Variants in AHCYL2 observed in about 807,000 individuals in gnomAD.
AHCYL2 encodes the protein S-adenosylhomocysteine hydrolase-like protein 2.
A neutral mutation model predicts 81.4 loss-of-function variants in AHCYL2; 28 were observed. The observed-to-expected ratio is 0.34, with a 90% CI of 0.25 to 0.47. The LOEUF (loss-of-function observed/expected upper bound fraction) is 0.47, where lower values mean the gene tolerates loss of function less well. Among genes scored for constraint, AHCYL2 ranks in the 20% least tolerant of loss-of-function variants. The probability of loss-of-function intolerance (pLI) is 1.00; values close to 1 mark genes in which losing one functional copy is unlikely to be tolerated. For synonymous variants in AHCYL2, 272 were observed against 290.2 expected, an observed-to-expected ratio of 0.94 and a Z score of 0.64; for missense variants, 551 against 785.1, an observed-to-expected ratio of 0.70 and a Z score of 3.56.
intron 1 of AHCYL2, among the ~76,000 whole-genome samples, chr7:129,371,165 T>C (rs1338953179): frequency 6.6e-6 from 1 of 152,216 alleles, no homozygotes; most frequent in Non-Finnish European, 1.5e-5. Context: ...TTAACGAGTG[T>C]CTTACTCATG....
intron 1 of AHCYL2, among the ~76,000 whole-genome samples, chr7:129,306,613 G>T (rs144483911): frequency 2.0e-5 from 3 of 152,132 alleles, no homozygotes; most frequent in East Asian, 3.9e-4. Flanking sequence ...TGTTTGTTTG[G>T]TCAGATCATG....
intron 1 of AHCYL2, among the ~76,000 whole-genome samples, chr7:129,306,949 C>T (rs551789773): frequency 2.0e-5 from 3 of 152,248 alleles, no homozygotes; most frequent in Admixed American, 2.0e-4. Flanking sequence ...TCCAAACAAA[C>T]GGAGTCTCTC....
At chr7:129,245,226 T>C (rs915248785) in intron 1 of AHCYL2, among the ~76,000 whole-genome samples, 4 of 152,086 alleles carry the variant, frequency 2.6e-5, no homozygotes, top group Non-Finnish European at 5.9e-5. Context: ...GGTTTCACCA[T>C]GTTGGTCAGG....
At chr7:129,252,674 G>A (rs538065339) in intron 1 of AHCYL2, among the ~76,000 whole-genome samples, 1 of 152,322 alleles carries the variant, frequency 6.6e-6, no homozygotes, top group South Asian at 2.1e-4. Flanking sequence ...AGTTGAGGTG[G>A]GAGGATCACT....
chr7:129,291,309 A>G (rs1796851625), intron 1 of AHCYL2, among the ~76,000 whole-genome samples: 3 of 152,316 alleles, frequency 2.0e-5, no homozygotes, highest in African/African-American at 7.2e-5. Context: ...TGGATTATAC[A>G]TATCATTTAT....
chr7:129,308,252 T>C (rs920165289), intron 1 of AHCYL2, among the ~76,000 whole-genome samples: 29 of 152,272 alleles, frequency 1.9e-4, no homozygotes, highest in African/African-American at 6.7e-4. Context: ...GCAGGCCTTA[T>C]GGAAGTTACA....
chr7:129,396,494 T>A (rs1795749165), intron 4 of AHCYL2, among the ~76,000 whole-genome samples: 1 of 151,858 alleles, frequency 6.6e-6, no homozygotes, highest in Non-Finnish European at 1.5e-5. Context: ...CAATCTCAGC[T>A]CACTGCAATC....
intron 12 of AHCYL2, among the ~76,000 whole-genome samples, chr7:129,421,340 TA>T (rs1189037765): frequency 6.6e-6 from 1 of 152,170 alleles, no homozygotes; most frequent in Non-Finnish European, 1.5e-5. Context: ...AGTACCTTTT[TA>T]AAAAAGAGTT....
rs1796331904 is a variant in AHCYL2 at position 129,406,889 on chromosome 7, G to A, written c.1295+423G>A. ...AAACATTAGACCAATCCCAGTTAAG[G>A]GTAAAATCTACTAACTCTGAGTGAA... is the stretch of plus-strand genomic sequence containing the variant. On this transcript the variant is annotated intron_variant, in intron 10 of 16. Coordinates refer to ENST00000325006, the MANE Select transcript of AHCYL2 (RefSeq NM_015328.4). This position sits in a 1 kb window ranked among gnomAD's most constrained non-coding sequence, Gnocchi z 4.3. Among the ~76,000 whole-genome samples the A allele has an allele frequency of 6.6e-6, 1 of 151,928 alleles. No homozygotes were observed. Among genetic ancestry groups the A allele is most frequent in the Non-Finnish European group, 1.5e-5 (1 of 67,982 alleles).
intron 7 of AHCYL2, among the ~76,000 whole-genome samples, chr7:129,403,860 C>CAAAACAAAAAAAAAAAAAAAAAAAA (rs1796157237): frequency 1.2e-5 from 1 of 80,200 alleles, no homozygotes; most frequent in Non-Finnish European, 2.7e-5. Context: ...GACTCCATCT[C>CAAAACAAAAAAAAAAAAAAAAAAAA]AAAAAAAAAA....
At chr7:129,293,919 C>G (rs1796962229) in intron 1 of AHCYL2, among the ~76,000 whole-genome samples, 1 of 152,100 alleles carries the variant, frequency 6.6e-6, no homozygotes, top group Non-Finnish European at 1.5e-5. Flanking sequence ...ATTGTTAATT[C>G]ACTTTTAGGA....
rs959209978 is a variant in AHCYL2, at chr7:129,419,348, G to A, written c.1462-3492G>A. 2.6e-5 allele frequency among the ~76,000 whole-genome samples: 4 copies of A among 152,158 alleles called. No homozygotes were observed. Among genetic ancestry groups the A allele is most frequent in the African/African-American group, 9.7e-5 (4 of 41,434 alleles). On this transcript the variant is annotated intron_variant, in intron 12 of 16. Coordinates refer to ENST00000325006, the MANE Select transcript of AHCYL2 (RefSeq NM_015328.4). This position sits in a 1 kb window ranked among gnomAD's most constrained non-coding sequence, Gnocchi z 4.7. Reference sequence around the variant, plus strand: ...AGGCAGGCGGATCATGAGGTCAGGAGTTCAAGACCAGCCTGACCAACATGG... The same window carrying A: ...AGGCAGGCGGATCATGAGGTCAGGAATTCAAGACCAGCCTGACCAACATGG...
chr7:129,247,609 T>TG (rs1368116305), intron 1 of AHCYL2, among the ~76,000 whole-genome samples: 2 of 151,154 alleles, frequency 1.3e-5, no homozygotes, highest in Non-Finnish European at 3.0e-5. Context: ...TGTACTTTTT[T>TG]TTTCCCCCCA....
At chr7:129,263,997 C>T (rs1226645988) in intron 1 of AHCYL2, among the ~76,000 whole-genome samples, 1 of 152,102 alleles carries the variant, frequency 6.6e-6, no homozygotes, top group Non-Finnish European at 1.5e-5. Flanking sequence ...TAAAACAGGT[C>T]AGAGGAGAAG....
At position 129,368,495 on chromosome 7, in the gene AHCYL2, A is replaced by G; in HGVS notation, c.364-11143A>G. The G allele has an allele frequency of 1.9e-6, 3 of 1,614,028 alleles. No homozygotes were observed. Among genetic ancestry groups the G allele is most frequent in the South Asian group, 1.1e-5 (1 of 91,084 alleles). Reference sequence around the variant, plus strand: ...GACATATCTTACCCAAGCCTGCACTATGGAGAAGTGGGACGGTAATGAGGG... The same window carrying G: ...GACATATCTTACCCAAGCCTGCACTGTGGAGAAGTGGGACGGTAATGAGGG... On this transcript the variant is annotated intron_variant, in intron 1 of 16. Transcript: ENST00000325006. The surrounding 1 kb of genome is among the most constrained non-coding windows in gnomAD (Gnocchi z 4.4).
intron 1 of AHCYL2, among the ~76,000 whole-genome samples, chr7:129,291,938 T>C (rs964204860): frequency 1.9e-4 from 29 of 152,080 alleles, no homozygotes; most frequent in African/African-American, 7.0e-4. Flanking sequence ...CAAATATGGC[T>C]AAGTTTTTTT....
intron 1 of AHCYL2, among the ~76,000 whole-genome samples, chr7:129,369,529 G>A (rs941314130): frequency 1.4e-5 from 2 of 147,772 alleles, no homozygotes; most frequent in Non-Finnish European, 3.0e-5. Context: ...TCTTAATGTC[G>A]TTTCAGAACA....
chr7:129,256,478 A>G (rs1025036407), intron 1 of AHCYL2, among the ~76,000 whole-genome samples: 1 of 151,784 alleles, frequency 6.6e-6, no homozygotes, highest in Non-Finnish European at 1.5e-5. Context: ...TTTTGAAAAT[A>G]TACAAAAGGT....
intron 1 of AHCYL2, among the ~76,000 whole-genome samples, chr7:129,321,738 T>C (rs1363648098): frequency 1.4e-5 from 2 of 139,708 alleles, no homozygotes; most frequent in African/African-American, 5.3e-5. Context: ...TTGTATTCTT[T>C]CTTTGTTTTT....
Sources: gnomAD v4.1 joint callset for allele counts (sites outside exome capture counted in the v4.1 genomes callset) on GRCh38, gnomAD v4.1.1 for gene constraint, Gnocchi (gnomAD v3.1) non-coding constraint, MANE v1.5 for transcripts, NCBI Gene and HGNC (gene_info 2026-07-23, HGNC 2026-07-21) for gene names.